The following CNTNAP2 variants were observed in gnomAD, a reference collection of about 807,000 sequenced individuals.
CNTNAP2 encodes contactin-associated protein-like 2.
A neutral mutation model predicts 155.2 loss-of-function variants in CNTNAP2; 98 were observed. The ratio of observed to expected loss-of-function variants is 0.63; its 90% CI spans 0.54 to 0.75. CNTNAP2 has a LOEUF of 0.75. Among genes scored for constraint, CNTNAP2 ranks in the 30% least tolerant of loss-of-function variants. The probability of loss-of-function intolerance (pLI) is 0.00; values close to 1 mark genes in which losing one functional copy is unlikely to be tolerated. For missense variants in CNTNAP2, 1,727 were observed against 1,688.1 expected (o/e 1.02, Z -0.40); for synonymous variants, 651 against 631.2 (o/e 1.03, Z -0.47).
At chr7:147,295,117 A>T (rs560140474) in intron 8 of CNTNAP2, among the ~76,000 whole-genome samples, 18 of 152,298 alleles carry the variant, frequency 1.2e-4, no homozygotes, top group African/African-American at 4.1e-4. Context: ...TAGTATACAA[A>T]TACTTAATCC....
chr7:147,387,442 A>G (rs922590567), intron 9 of CNTNAP2, among the ~76,000 whole-genome samples: 1 of 152,150 alleles, frequency 6.6e-6, no homozygotes, highest in Non-Finnish European at 1.5e-5. Context: ...TATTCTTCTC[A>G]TTGAATCTCA....
At chr7:148,264,755 C>T (rs748172945) in intron 20 of CNTNAP2, among the ~76,000 whole-genome samples, 3 of 152,102 alleles carry the variant, frequency 2.0e-5, no homozygotes, top group Middle Eastern at 3.4e-3. Flanking sequence ...AGTGCAGTGG[C>T]GCGATCTCGG....
rs113866344 is a variant in CNTNAP2, at chr7:147,601,013, A to G, written c.1898-38093A>G. ...ATCCCCTGAACATTATTAGAAATGT[A>G]GATTTTTTCTCTTCTGAGTGATCAG... On this transcript the variant is annotated intron_variant, in intron 12 of 23. Coordinates refer to ENST00000361727, the MANE Select transcript of CNTNAP2 (RefSeq NM_014141.6). 9.2e-5 allele frequency among the ~76,000 whole-genome samples: 14 copies of G among 152,326 alleles called. 1 individual carries two copies. The highest frequency in any genetic ancestry group is 3.4e-4 in the African/African-American group (14 of 41,566).
In CNTNAP2 at chr7:148,107,691, G is replaced by A. The variant is rs141478422; in HGVS notation, c.2384-10427G>A. On this transcript the variant is annotated intron_variant, in intron 15 of 23. Coordinates refer to ENST00000361727, the MANE Select transcript of CNTNAP2 (RefSeq NM_014141.6). Reference sequence around the variant, plus strand: ...ATTTGCATGCAAATGAAGCCATCTGGTTGATTGTTGTCCACAGTCCCCAGC... The same window carrying A: ...ATTTGCATGCAAATGAAGCCATCTGATTGATTGTTGTCCACAGTCCCCAGC... Among the ~76,000 whole-genome samples the A allele has an allele frequency of 1.4e-4, 21 of 152,310 alleles. No homozygotes were observed. The East Asian group carries it at 4.1e-3, about 29-fold the overall frequency.
intron 15 of CNTNAP2, among the ~76,000 whole-genome samples, chr7:148,063,923 G>T (rs1803206229): frequency 6.6e-6 from 1 of 152,190 alleles, no homozygotes; most frequent in South Asian, 2.1e-4. Flanking sequence ...GAGAGATGAG[G>T]ATTCAGTTTC....
chr7:147,021,730 C>A (rs1798820505), intron 3 of CNTNAP2, among the ~76,000 whole-genome samples: 1 of 152,146 alleles, frequency 6.6e-6, no homozygotes, highest in South Asian at 2.1e-4. Context: ...TTATGTTTTA[C>A]CTCCTTGTGG....
At chr7:147,426,162 C>G (rs1797374305) in intron 10 of CNTNAP2, among the ~76,000 whole-genome samples, 1 of 150,608 alleles carries the variant, frequency 6.6e-6, no homozygotes, top group Non-Finnish European at 1.5e-5. Flanking sequence ...TGTACTTTAC[C>G]TTTAAGCTGG....
At chr7:146,871,534 A>AT (rs1388928353) in intron 3 of CNTNAP2, among the ~76,000 whole-genome samples, 3 of 151,956 alleles carry the variant, frequency 2.0e-5, no homozygotes, top group Admixed American at 6.6e-5. Context: ...CGTCTAAAAA[A>AT]AAATAAATAA....
chr7:147,673,018 T>A (rs930353138), intron 13 of CNTNAP2: 2 of 152,134 alleles, frequency 1.3e-5, no homozygotes, highest in African/African-American at 4.8e-5. Context: ...TGCTTTTGAT[T>A]TTTTTTTCAT....
At chr7:146,900,846 C>T (rs1795977363) in intron 3 of CNTNAP2, among the ~76,000 whole-genome samples, 1 of 152,170 alleles carries the variant, frequency 6.6e-6, no homozygotes. Flanking sequence ...TCTTGGGAAT[C>T]CAGACCATCT....
At chr7:147,969,190 C>CA (rs35683052) in intron 14 of CNTNAP2, among the ~76,000 whole-genome samples, 19,605 of 152,026 alleles carry the variant, frequency 0.13, 1,974 homozygotes, top group African/African-American at 0.29. Context: ...GCTGGGACGA[C>CA]AGGCATGTGC....
chr7:147,445,995 T>A (rs1200811666), intron 10 of CNTNAP2, among the ~76,000 whole-genome samples: 2 of 151,864 alleles, frequency 1.3e-5, no homozygotes, highest in African/African-American at 4.9e-5. Flanking sequence ...GTAGGAGATG[T>A]TTTATTTGGG....
chr7:147,561,303 T>C (rs1412518104), intron 11 of CNTNAP2, among the ~76,000 whole-genome samples: 1 of 152,216 alleles, frequency 6.6e-6, no homozygotes, highest in Admixed American at 6.5e-5. Flanking sequence ...AAACATATCT[T>C]AGTTTTGTGA....
intron 12 of CNTNAP2, among the ~76,000 whole-genome samples, chr7:147,627,647 G>T (rs1381101252): frequency 7.1e-6 from 1 of 141,762 alleles, no homozygotes; most frequent in Non-Finnish European, 1.5e-5. Flanking sequence ...AGCCGAGATT[G>T]TGCCATTGCA....
At chr7:147,532,009 A>G (rs994953809) in intron 11 of CNTNAP2, among the ~76,000 whole-genome samples, 20 of 151,760 alleles carry the variant, frequency 1.3e-4, no homozygotes, top group Non-Finnish European at 2.2e-4. Context: ...GGGTTTCACC[A>G]TGTTAGCCAG....
intron 17 of CNTNAP2, among the ~76,000 whole-genome samples, 192 bp downstream of exon 17, chr7:148,147,901 G>A (rs143964777): frequency 1.5e-3 from 227 of 152,244 alleles, no homozygotes; most frequent in African/African-American, 3.3e-3. Context: ...CCTAGATCTC[G>A]TTCCACTTCC....
intron 3 of CNTNAP2, among the ~76,000 whole-genome samples, chr7:146,994,038 A>G (rs551519220): frequency 6.6e-6 from 1 of 152,172 alleles, no homozygotes; most frequent in Non-Finnish European, 1.5e-5. Context: ...ATTTTAGGCA[A>G]TGCAAAGTGG....
At chr7:146,618,561 G>C (rs1034877723) in intron 1 of CNTNAP2, among the ~76,000 whole-genome samples, 1 of 152,078 alleles carries the variant, frequency 6.6e-6, no homozygotes, top group South Asian at 2.1e-4. Context: ...AAGGACAATT[G>C]ACTGATTTCT....
At chr7:146,775,347 T>A (rs1157741501) in intron 2 of CNTNAP2, among the ~76,000 whole-genome samples, 1 of 152,168 alleles carries the variant, frequency 6.6e-6, no homozygotes, top group Non-Finnish European at 1.5e-5. Context: ...TGTGTTGTGA[T>A]GGATATGTTA....
Sources: allele counts gnomAD v4.1 joint callset (sites outside exome capture counted in the v4.1 genomes callset), GRCh38; gene constraint gnomAD v4.1.1; transcripts MANE v1.5; gene names NCBI Gene and HGNC (gene_info 2026-07-23, HGNC 2026-07-21).